ARHGAP10: variants seen among roughly 807,000 people sequenced by gnomAD.
The protein encoded by ARHGAP10 is rho GTPase-activating protein 10.
A neutral mutation model predicts 108.6 loss-of-function variants in ARHGAP10; 87 were observed. That is an observed-to-expected ratio of 0.80 (90% CI 0.67 to 0.96). ARHGAP10 has a LOEUF of 0.96. Ranked by LOEUF, ARHGAP10 falls within the 40% of genes least tolerant of loss-of-function variation. ARHGAP10 has a pLI of 0.00. For synonymous variants in ARHGAP10, 347 were observed against 341.1 expected, an observed-to-expected ratio of 1.02 and a Z score of -0.19; for missense variants, 939 against 954.5, an observed-to-expected ratio of 0.98 and a Z score of 0.21.
chr4:147,947,158 G>T (rs1305980672), intron 15 of ARHGAP10, among the ~76,000 whole-genome samples: 2 of 148,882 alleles, frequency 1.3e-5, no homozygotes, highest in Admixed American at 1.3e-4. Flanking sequence ...AGATAAAGTT[G>T]TTTTCTATTT....
chr4:148,062,825 C>G (rs1347493337), intron 20 of ARHGAP10, among the ~76,000 whole-genome samples: 1 of 152,142 alleles, frequency 6.6e-6, no homozygotes, highest in African/African-American at 2.4e-5. Flanking sequence ...AAGTGAATAC[C>G]TTGAATGTCC....
In ARHGAP10 at chr4:147,732,258, C is replaced by G. The variant is rs1437783792; in HGVS notation, c.-44C>G. ...CAGCGGCCTCGGAGCTCGGCTCGGG[C>G]AGGAGCGCGCGGCCGTGCGCACCGC... On this transcript the variant is annotated 5_prime_UTR_variant, in exon 1 of 23. Transcript: ENST00000336498. 2 of 1,513,936 alleles carry G rather than the reference C, an allele frequency of 1.3e-6. No individual in the cohort carries two copies. Among genetic ancestry groups the G allele is most frequent in the Non-Finnish European group, 1.8e-6 (2 of 1,139,462 alleles). The allele number at this position is 1,513,936 out of a possible 1,614,324, so 93.8% of individuals were successfully genotyped here.
At chr4:147,876,096 G>A (rs899956624) in intron 8 of ARHGAP10, among the ~76,000 whole-genome samples, 1 of 152,200 alleles carries the variant, frequency 6.6e-6, no homozygotes, top group Non-Finnish European at 1.5e-5. Context: ...CGGTTACAGG[G>A]TATCTGTGCT....
chr4:147,971,953 C>T (rs1043429223), intron 18 of ARHGAP10, among the ~76,000 whole-genome samples: 1 of 152,018 alleles, frequency 6.6e-6, no homozygotes. Flanking sequence ...AGGCAAAACC[C>T]GGGGACTGGG....
intron 4 of ARHGAP10, among the ~76,000 whole-genome samples, chr4:147,852,369 C>T (rs1384837268): frequency 5.3e-5 from 8 of 152,104 alleles, no homozygotes. Context: ...TGCCAGGCAC[C>T]CTTCTGGGTC....
intron 1 of ARHGAP10, 51 bp from the exon 2 acceptor site, chr4:147,822,676 T>C (rs1732553678): frequency 1.3e-6 from 2 of 1,542,990 alleles, no homozygotes; most frequent in Non-Finnish European, 1.8e-6. Flanking sequence ...ATTTCTTTTA[T>C]GCTTTGACAT....
At position 147,732,179 on chromosome 4, in the gene ARHGAP10, C is replaced by A; in HGVS notation, c.-123C>A. On this transcript the variant is annotated 5_prime_UTR_variant, in exon 1 of 23. Transcript: ENST00000336498. Reference sequence around the variant, plus strand: ...ACATGTCCGTGCCGCGCTCGCCGCGCGCCCGGGCCTGCTAGCTCCTCTGTG... The same window carrying A: ...ACATGTCCGTGCCGCGCTCGCCGCGAGCCCGGGCCTGCTAGCTCCTCTGTG... 2 of 989,004 alleles carry A rather than the reference C, an allele frequency of 2.0e-6. No individual in the cohort carries two copies. The highest frequency in any genetic ancestry group is 2.7e-6 in the Non-Finnish European group (2 of 741,650). 61.3% of individuals were successfully genotyped at this position (989,004 alleles called of 1,614,324 possible).
chr4:147,831,889 T>C (rs1417227164), intron 3 of ARHGAP10, among the ~76,000 whole-genome samples: 1 of 152,210 alleles, frequency 6.6e-6, no homozygotes, highest in Non-Finnish European at 1.5e-5. Context: ...CCCCTTTCCC[T>C]GCAAGGCCTT....
chr4:147,790,231 A>T (rs1731065257), intron 1 of ARHGAP10, among the ~76,000 whole-genome samples: 1 of 152,016 alleles, frequency 6.6e-6, no homozygotes, highest in Non-Finnish European at 1.5e-5. Flanking sequence ...AAGAGAAAAC[A>T]CATGCTTGAG....
intron 10 of ARHGAP10, among the ~76,000 whole-genome samples, chr4:147,898,782 C>G (rs943533540): frequency 6.8e-6 from 1 of 147,878 alleles, no homozygotes; most frequent in African/African-American, 2.5e-5. Flanking sequence ...CCCCTCCAAA[C>G]TGTTTCAGCC....
chr4:147,798,775 CTCTCTCTATATATATATATATATATA>C (rs1731449408), intron 1 of ARHGAP10, among the ~76,000 whole-genome samples: 1 of 4,346 alleles, frequency 2.3e-4, no homozygotes, highest in African/African-American at 3.0e-4. Flanking sequence ...CTCTCTCTCT[CTCTCTCTATATATATATATATATATA>C]TATATATATA....
chr4:147,866,548 A>G, intron 6 of ARHGAP10, 164 bp from the exon 7 acceptor site: 1 of 558,444 alleles, frequency 1.8e-6, no homozygotes, highest in Non-Finnish European at 3.2e-6. Flanking sequence ...CAATTAATAG[A>G]TAATATGTAC....
At chr4:148,064,032 G>A (rs942483719) in intron 21 of ARHGAP10, among the ~76,000 whole-genome samples, 2 of 152,198 alleles carry the variant, frequency 1.3e-5, no homozygotes, top group African/African-American at 4.8e-5. Context: ...TCCTTCTGCC[G>A]GCTGGCCGTG....
chr4:147,907,521 T>A (rs978443192), intron 11 of ARHGAP10, among the ~76,000 whole-genome samples: 5 of 151,760 alleles, frequency 3.3e-5, no homozygotes, highest in African/African-American at 4.8e-5. Context: ...AAGAGAATGG[T>A]TTGAAAGTAG....
intron 13 of ARHGAP10, among the ~76,000 whole-genome samples, chr4:147,934,917 G>A (rs1737865461): frequency 6.6e-6 from 1 of 152,254 alleles, no homozygotes. Context: ...GAGTATCACT[G>A]TGGGCTGGTG....
At chr4:148,028,088 AAGT>A (rs1727960819) in intron 19 of ARHGAP10, among the ~76,000 whole-genome samples, 2 of 152,172 alleles carry the variant, frequency 1.3e-5, no homozygotes, top group South Asian at 4.1e-4. Flanking sequence ...ACGTGGCAGT[AAGT>A]GCCCAGTGCT....
At chr4:148,042,681 C>T (rs925572742) in intron 19 of ARHGAP10, among the ~76,000 whole-genome samples, 1 of 152,176 alleles carries the variant, frequency 6.6e-6, no homozygotes, top group Non-Finnish European at 1.5e-5. Flanking sequence ...CCTTGTTTGT[C>T]TTTGCCTGTC....
chr4:147,794,585 A>G (rs745932374), intron 1 of ARHGAP10, among the ~76,000 whole-genome samples: 11 of 152,184 alleles, frequency 7.2e-5, no homozygotes, highest in Non-Finnish European at 1.3e-4. Context: ...CTTGACTTCT[A>G]GTAGCAGATT....
At chr4:147,952,315 CT>C (rs1195628849) in intron 15 of ARHGAP10, among the ~76,000 whole-genome samples, 1 of 152,150 alleles carries the variant, frequency 6.6e-6, no homozygotes, top group Admixed American at 6.5e-5. Context: ...TTATGCTTAA[CT>C]TTTTGGGAAA....
Sources: gnomAD v4.1 joint callset for allele counts (sites outside exome capture counted in the v4.1 genomes callset) on GRCh38, gnomAD v4.1.1 for gene constraint, MANE v1.5 for transcripts, NCBI Gene and HGNC (gene_info 2026-07-23, HGNC 2026-07-21) for gene names.